The following SDCCAG8 variants were observed in gnomAD, a reference collection of about 807,000 sequenced individuals.
SDCCAG8 encodes the protein serologically defined colon cancer antigen 8.
In SDCCAG8, 74 loss-of-function variants were observed where a neutral mutation model predicts 101.8. The observed-to-expected ratio is 0.73, with a 90% confidence interval of 0.60 to 0.88. The LOEUF is 0.88. SDCCAG8 is among the 40% of genes least tolerant of loss of function. SDCCAG8 has a pLI of 0.00. For missense variants in SDCCAG8, 787 were observed against 822.6 expected (o/e 0.96, Z 0.53); for synonymous variants, 281 against 292.9 (o/e 0.96, Z 0.41).
chr1:243,379,509 T>C (rs1046100187), intron 13 of SDCCAG8, among the ~76,000 whole-genome samples: 7 of 152,120 alleles, frequency 4.6e-5, no homozygotes, highest in African/African-American at 1.7e-4. Context: ...ACTCTTTAGG[T>C]TGTAAGCATT....
chr1:243,474,146 A>G lies in SDCCAG8; in HGVS notation c.1986-14868A>G, dbSNP rs1253434503. On this transcript the variant is annotated intron_variant, in intron 16 of 17. Transcript: ENST00000366541. This position sits in a 1 kb window ranked among gnomAD's most constrained non-coding sequence, Gnocchi z 4.7. ...TTCATTGGTTTACAAATAAGGAATTAAAAGGTAAGAAAAGCAAATGCAATC... is the reference window on the plus strand; with the variant it reads ...TTCATTGGTTTACAAATAAGGAATTGAAAGGTAAGAAAAGCAAATGCAATC... Among the ~76,000 whole-genome samples, 4 of 152,190 alleles carry G rather than the reference A, an allele frequency of 2.6e-5. No homozygotes were observed. Among genetic ancestry groups the G allele is most frequent in the Admixed American group, 6.5e-5 (1 of 15,284 alleles).
At chr1:243,350,462 C>T (rs1573491407) in intron 12 of SDCCAG8, among the ~76,000 whole-genome samples, 1 of 152,150 alleles carries the variant, frequency 6.6e-6, no homozygotes, top group African/African-American at 2.4e-5. Flanking sequence ...AGGCAATCCA[C>T]CTGCCTCGGC....
intron 8 of SDCCAG8, among the ~76,000 whole-genome samples, chr1:243,310,682 A>G (rs1278535016): frequency 6.6e-6 from 1 of 152,244 alleles, no homozygotes; most frequent in African/African-American, 2.4e-5. Context: ...AAAACATTAC[A>G]TATTCAGTTA....
chr1:243,318,624 C>G, intron 9 of SDCCAG8: 1 of 949,662 alleles, frequency 1.1e-6, no homozygotes, highest in Middle Eastern at 5.3e-4. Context: ...ACCCTCATGC[C>G]TTTTGAAACT....
intron 16 of SDCCAG8, among the ~76,000 whole-genome samples, chr1:243,456,611 T>TA (rs1460624963): frequency 1.3e-5 from 2 of 152,186 alleles, no homozygotes; most frequent in African/African-American, 4.8e-5. Flanking sequence ...CTTTTATTTT[T>TA]ATACCAATAT....
intron 12 of SDCCAG8, among the ~76,000 whole-genome samples, chr1:243,372,642 T>C (rs1474356513): frequency 1.3e-5 from 2 of 151,974 alleles, no homozygotes; most frequent in African/African-American, 2.4e-5. Context: ...AGAATGCTTC[T>C]CAAATTGTAG....
At chr1:243,369,474 T>C (rs953858173) in intron 12 of SDCCAG8, among the ~76,000 whole-genome samples, 3 of 152,130 alleles carry the variant, frequency 2.0e-5, no homozygotes, top group African/African-American at 7.2e-5. Flanking sequence ...ATTTATCTCT[T>C]TCTGTTACAT....
rs1294340077 is a variant in SDCCAG8 at position 243,416,658 on chromosome 1, A to G, written c.1744+829A>G. On this transcript the variant is annotated intron_variant, in intron 14 of 17. Coordinates refer to ENST00000366541, the MANE Select transcript of SDCCAG8 (RefSeq NM_006642.5). The surrounding 1 kb of genome is among the most constrained non-coding windows in gnomAD (Gnocchi z 4.3). ...TAATTTGAAAGTAAAATGCACTTTGAAAATAGACAGTTTGATTTGTTCAGT... is the reference window on the plus strand; with the variant it reads ...TAATTTGAAAGTAAAATGCACTTTGGAAATAGACAGTTTGATTTGTTCAGT... Among the ~76,000 whole-genome samples the G allele has an allele frequency of 6.6e-6, 1 of 152,194 alleles. No individual in the cohort carries two copies. Among genetic ancestry groups the G allele is most frequent in the Middle Eastern group, 3.2e-3 (1 of 316 alleles).
Position 243,323,758 on chromosome 1 carries a change from A to G in SDCCAG8, c.1069-6782A>G, listed in dbSNP as rs193099328. On this transcript the variant is annotated intron_variant, in intron 9 of 17. Coordinates refer to ENST00000366541, the MANE Select transcript of SDCCAG8 (RefSeq NM_006642.5). ...AGTGCTCGCTTCATGATCACTGGTC[A>G]CTTCCTGATTACCAAACCCAGTGAC... 2.3e-4 allele frequency among the ~76,000 whole-genome samples: 35 copies of G among 152,266 alleles called. No homozygotes were observed. The East Asian group carries it at 6.0e-3, about 26-fold the overall frequency.
At chr1:243,363,256 C>A (rs1485178962) in intron 12 of SDCCAG8, among the ~76,000 whole-genome samples, 1 of 152,144 alleles carries the variant, frequency 6.6e-6, no homozygotes, top group Non-Finnish European at 1.5e-5. Context: ...GTTTAAGAAC[C>A]AGACCATTGC....
Position 243,378,862 on chromosome 1 carries a change from A to G in SDCCAG8, c.1615A>G (p.Arg539Gly). The G allele has an allele frequency of 6.2e-7, 1 of 1,614,046 alleles. No homozygotes were observed. The highest frequency in any genetic ancestry group is 8.5e-7 in the Non-Finnish European group (1 of 1,179,962). The change falls in exon 13 of 18, where the codon AGA (arginine) becomes GGA (glycine). Residue 539 changes from arginine (R) to glycine (G), a missense_variant and splice_region_variant. By Grantham distance (125) the Arg-to-Gly change is moderately radical. Coordinates refer to ENST00000366541, the MANE Select transcript of SDCCAG8 (RefSeq NM_006642.5). The stretch of plus-strand genomic sequence containing the variant: ...ATCTGAGCACCAACTGCACCTCACC[A>G]GGTACTCCCTAATCCCATTATGCGC... ...GESEHQLHLT[R>G]QEKDSIQQSF...
At chr1:243,433,637 A>G (rs975954553) in intron 16 of SDCCAG8, among the ~76,000 whole-genome samples, 73 of 152,266 alleles carry the variant, frequency 4.8e-4, no homozygotes, top group African/African-American at 1.6e-3. Context: ...TCTCTGTTTT[A>G]TATAGACCTA....
chr1:243,426,262 T>C (rs1384850393), intron 15 of SDCCAG8, among the ~76,000 whole-genome samples, 165 bp from the exon 16 acceptor site: 3 of 152,242 alleles, frequency 2.0e-5, no homozygotes, highest in South Asian at 2.1e-4. Flanking sequence ...GTCTCTACAA[T>C]GTATCTTGCC....
chr1:243,427,687 T>TG (rs951518521), intron 16 of SDCCAG8, among the ~76,000 whole-genome samples: 10 of 151,438 alleles, frequency 6.6e-5, no homozygotes, highest in Admixed American at 1.3e-4. Flanking sequence ...TAGCCTGGGG[T>TG]GGGGGGGAGG....
intron 17 of SDCCAG8, among the ~76,000 whole-genome samples, chr1:243,492,294 G>GGTT (rs1558547697): frequency 1.7e-5 from 1 of 60,160 alleles, no homozygotes. Context: ...TCGTTTCTTG[G>GGTT]CTTTTTTTTT....
intron 17 of SDCCAG8, among the ~76,000 whole-genome samples, chr1:243,492,307 T>TA (rs1558547814): frequency 8.1e-6 from 1 of 123,854 alleles, no homozygotes; most frequent in Non-Finnish European, 1.7e-5. Context: ...TTTTTTTTTT[T>TA]TTTTTTTTTT....
Position 243,474,915 on chromosome 1 carries a change from T to C in SDCCAG8, c.1986-14099T>C, listed in dbSNP as rs147007645. ...ATCGGGGAAAAATCTACCTTCTGTTTAGCAGTTGCTCTTTTCTGAAGCAGA... is the reference window on the plus strand; with the variant it reads ...ATCGGGGAAAAATCTACCTTCTGTTCAGCAGTTGCTCTTTTCTGAAGCAGA... On this transcript the variant is annotated intron_variant, in intron 16 of 17. Transcript: ENST00000366541. This position sits in a 1 kb window ranked among gnomAD's most constrained non-coding sequence, Gnocchi z 4.7. Among the ~76,000 whole-genome samples, 3 of 152,346 alleles carry C rather than the reference T, an allele frequency of 2.0e-5. No individual in the cohort carries two copies. The highest frequency in any genetic ancestry group is 7.2e-5 in the African/African-American group (3 of 41,586).
chr1:243,265,399 A>G (rs2067505451), intron 1 of SDCCAG8, among the ~76,000 whole-genome samples: 3 of 152,246 alleles, frequency 2.0e-5, no homozygotes, highest in South Asian at 4.1e-4. Flanking sequence ...GTTGAATTCA[A>G]TAGCTCATTA....
At chr1:243,425,814 A>C (rs1281270042) in intron 15 of SDCCAG8, among the ~76,000 whole-genome samples, 1 of 152,164 alleles carries the variant, frequency 6.6e-6, no homozygotes, top group African/African-American at 2.4e-5. Flanking sequence ...TTTTCTATTA[A>C]GACCTTCAGT....
Sources: gnomAD v4.1 joint callset for allele counts (sites outside exome capture counted in the v4.1 genomes callset) on GRCh38, gnomAD v4.1.1 for gene constraint, Gnocchi (gnomAD v3.1) non-coding constraint, MANE v1.5 for transcripts, NCBI Gene and HGNC (gene_info 2026-07-23, HGNC 2026-07-21) for gene names.